Variants in KIAA1671 observed in about 807,000 individuals in gnomAD.
KIAA1671 encodes uncharacterized protein KIAA1671.
A neutral mutation model predicts 131.2 loss-of-function variants in KIAA1671; 52 were observed. That is an observed-to-expected ratio of 0.40 (90% confidence interval 0.32 to 0.50). The LOEUF is 0.50. Among genes scored for constraint, KIAA1671 ranks in the 20% least tolerant of loss-of-function variants. The pLI is 0.73. For synonymous variants in KIAA1671, 1,003 were observed against 961.6 expected, an observed-to-expected ratio of 1.04 and a Z score of -0.80; for missense variants, 2,360 against 2,364.2, an observed-to-expected ratio of 1.00 and a Z score of 0.04.
intron 1 of KIAA1671, among the ~76,000 whole-genome samples, chr22:25,002,609 G>C (rs1924537272): frequency 6.6e-6 from 1 of 152,156 alleles, no homozygotes; most frequent in Admixed American, 6.5e-5. Context: ...TCTGCATCTA[G>C]AGGTGAAAAC....
chr22:25,039,100 G>T lies in KIAA1671; in HGVS notation c.1970G>T (p.Trp657Leu). The T allele has an allele frequency of 6.4e-7, 1 of 1,551,572 alleles. No homozygotes were observed. Among genetic ancestry groups the T allele is most frequent in the Non-Finnish European group, 8.7e-7 (1 of 1,147,012 alleles). Residue 657 changes from tryptophan (W) to leucine (L), a missense_variant, in exon 5 of 13, where the codon TGG becomes TTG. Around this residue, in one of 3 missense-constraint regions of KIAA1671, gnomAD observed 1,185 missense variants for 1,126.2 expected, o/e 1.05. Transcript: ENST00000358431. ...EPRPRPEMGS[W>L]LGRDPPDMTK... ...AGGCCGAGGCCTGAGATGGGCTCTT[G>T]GCTGGGCAGGGACCCACCAGACATG...
At position 25,193,917 on chromosome 22, in the gene KIAA1671, T is replaced by G. The variant is rs1347743581; in HGVS notation, c.*1516T>G. On this transcript the variant is annotated 3_prime_UTR_variant, in exon 13 of 13. Coordinates refer to ENST00000358431, the MANE Select transcript of KIAA1671 (RefSeq NM_001145206.2). ...CTGATGATAGTTTGTTTTCTCTTCA[T>G]TCCCTGAATTAGTCATCAGTTCTCC... The G allele has an allele frequency of 1.3e-5, 2 of 152,212 alleles. No homozygotes were observed. Among genetic ancestry groups the G allele is most frequent in the Non-Finnish European group, 2.9e-5 (2 of 68,020 alleles). The allele number at this position is 152,212 out of a possible 1,614,324, so 9.4% of individuals were successfully genotyped here.
intron 6 of KIAA1671, among the ~76,000 whole-genome samples, chr22:25,074,569 A>G (rs1378210690): frequency 6.7e-6 from 1 of 148,912 alleles, no homozygotes; most frequent in African/African-American, 2.6e-5. Context: ...ATATATGTAT[A>G]TATGCATATG....
chr22:25,153,317 C>G (rs1478086889), intron 6 of KIAA1671, among the ~76,000 whole-genome samples: 2 of 152,162 alleles, frequency 1.3e-5, no homozygotes, highest in Non-Finnish European at 2.9e-5. Context: ...ACTTTGCCCC[C>G]AGAACATTTG....
chr22:25,091,414 A>T (rs147151566), intron 6 of KIAA1671, among the ~76,000 whole-genome samples: 86 of 152,260 alleles, frequency 5.6e-4, no homozygotes, highest in Admixed American at 2.1e-3. Flanking sequence ...GGTGATGATG[A>T]TGAAGATGAT....
intron 6 of KIAA1671, among the ~76,000 whole-genome samples, chr22:25,104,412 A>C (rs959876479): frequency 6.6e-6 from 1 of 152,196 alleles, no homozygotes; most frequent in African/African-American, 2.4e-5. Flanking sequence ...ATCTGGAAAA[A>C]GCCGAAGGTT....
At position 25,134,308 on chromosome 22, in the gene KIAA1671, A is replaced by G. The variant is rs73403528; in HGVS notation, c.4531-36512A>G. ...TTTACCATGGGTTTGGCTGGCAGGC[A>G]ATTCAGGAAGAACTTTAAGGAGGGT... On this transcript the variant is annotated intron_variant, in intron 6 of 12. Coordinates refer to ENST00000358431, the MANE Select transcript of KIAA1671 (RefSeq NM_001145206.2). Among the ~76,000 whole-genome samples the G allele has an allele frequency of 1.4e-3, 214 of 152,274 alleles. 1 individual carries two copies. Among genetic ancestry groups the G allele is most frequent in the African/African-American group, 4.7e-3 (194 of 41,552 alleles).
chr22:24,993,298 T>C (rs921050921), intron 1 of KIAA1671, among the ~76,000 whole-genome samples: 2 of 152,072 alleles, frequency 1.3e-5, no homozygotes, highest in African/African-American at 4.8e-5. Context: ...CCAGACACAC[T>C]CTCATAGATG....
At chr22:24,985,145 A>G (rs971527653) in intron 1 of KIAA1671, among the ~76,000 whole-genome samples, 23 of 152,040 alleles carry the variant, frequency 1.5e-4, no homozygotes, top group African/African-American at 5.3e-4. Context: ...ATATATCTCT[A>G]TTCAGATAAA....
intron 1 of KIAA1671, among the ~76,000 whole-genome samples, chr22:24,983,997 C>T (rs1481969181): frequency 6.6e-6 from 1 of 151,936 alleles, no homozygotes; most frequent in African/African-American, 2.4e-5. Context: ...AGGCTGGTCT[C>T]GAACTCCCGA....
rs775389734 is a variant in KIAA1671, at chr22:25,037,600, T to C, written c.1630-1160T>C. 5.1e-3 allele frequency among the ~76,000 whole-genome samples: 783 copies of C among 152,154 alleles called. 5 individuals carry two copies. Among genetic ancestry groups the C allele is most frequent in the Middle Eastern group, 0.01 (3 of 290 alleles). On this transcript the variant is annotated intron_variant, in intron 4 of 12. Coordinates refer to ENST00000358431, the MANE Select transcript of KIAA1671 (RefSeq NM_001145206.2). Reference sequence around the variant, plus strand: ...CAGTATTATGTAAGCATCACCACTATCTAGTTCCAGAATCTTCTATCACCT... The same window carrying C: ...CAGTATTATGTAAGCATCACCACTACCTAGTTCCAGAATCTTCTATCACCT...
At chr22:24,985,571 G>C (rs975522769) in intron 1 of KIAA1671, among the ~76,000 whole-genome samples, 3 of 152,060 alleles carry the variant, frequency 2.0e-5, no homozygotes, top group African/African-American at 7.2e-5. Context: ...GATCTCCTGA[G>C]CTCATTATCC....
At chr22:25,112,393 C>G (rs928930406) in intron 6 of KIAA1671, 1 of 399,148 alleles carries the variant, frequency 2.5e-6, no homozygotes, top group Non-Finnish European at 4.4e-6. Flanking sequence ...TCCGCCGCTT[C>G]TCTGCTCGCA....
intron 7 of KIAA1671, 61 bp downstream of exon 7, chr22:25,170,999 GC>G: frequency 7.6e-7 from 1 of 1,314,794 alleles, no homozygotes; most frequent in Non-Finnish European, 1.1e-6. Context: ...AGTTGCTGCA[GC>G]CCACCCACCT....
chr22:25,040,492 A>G lies in KIAA1671; in HGVS notation c.3362A>G (p.Asn1121Ser), dbSNP rs894006802. The change falls in exon 5 of 13, where the codon AAT becomes AGT. Residue 1121 changes from asparagine (N) to serine (S), a missense_variant. This residue lies in a region of KIAA1671 where 1,161 missense variants were observed against 1,204.7 expected (regional missense o/e 0.96). Transcript: ENST00000358431. ...GGGGCCTGGAGTCTGGACCCTTTCA[A>G]TGGAAGAATCATTGATGTGGATGCC... The part of the protein sequence containing the change: ...SLGAWSLDPF[N>S]GRIIDVDALW... The G allele has an allele frequency of 3.3e-5, 51 of 1,551,824 alleles. No individual in the cohort carries two copies. The highest frequency in any genetic ancestry group is 4.2e-5 in the Non-Finnish European group (48 of 1,147,050).
chr22:25,180,374 A>G (rs1424682605), intron 9 of KIAA1671, among the ~76,000 whole-genome samples: 2 of 152,190 alleles, frequency 1.3e-5, no homozygotes, highest in Non-Finnish European at 2.9e-5. Flanking sequence ...CCCCGTCTCT[A>G]CTAAAAATAC....
intron 4 of KIAA1671, among the ~76,000 whole-genome samples, chr22:25,037,275 A>G (rs2145801268): frequency 6.6e-6 from 1 of 152,332 alleles, no homozygotes; most frequent in South Asian, 2.1e-4. Flanking sequence ...GTGAGCCGAG[A>G]TCGTGCCATT....
At chr22:25,085,771 A>G (rs1263393459) in intron 6 of KIAA1671, among the ~76,000 whole-genome samples, 4 of 139,332 alleles carry the variant, frequency 2.9e-5, no homozygotes, top group African/African-American at 1.1e-4. Context: ...GTGGTGAAGG[A>G]AGGAAGGGAG....
At chr22:25,124,308 G>A (rs2145933469) in intron 6 of KIAA1671, among the ~76,000 whole-genome samples, 1 of 152,360 alleles carries the variant, frequency 6.6e-6, no homozygotes, top group Admixed American at 6.5e-5. Context: ...TTCTAGTCCA[G>A]AGAAGTTCTG....
Sources: gnomAD v4.1 joint callset for allele counts (sites outside exome capture counted in the v4.1 genomes callset) on GRCh38, gnomAD v4.1.1 for gene constraint, gnomAD v4.1.1 regional missense constraint, MANE v1.5 for transcripts, NCBI Gene and HGNC (gene_info 2026-07-23, HGNC 2026-07-21) for gene names.